Variants in ZNFX1 observed in about 807,000 individuals in gnomAD.
ZNFX1 encodes zinc finger NFX1-type containing 1, also known as NFX1-type zinc finger-containing protein 1.
ZNFX1 carries 78 observed loss-of-function variants against 179.8 expected under a neutral mutation model. The observed-to-expected ratio is 0.43, with a 90% CI of 0.36 to 0.52. The LOEUF (loss-of-function observed/expected upper bound fraction) is 0.52, where lower values mean the gene tolerates loss of function less well. ZNFX1 is among the 20% of genes least tolerant of loss of function. ZNFX1 has a pLI of 0.00. For missense variants in ZNFX1, 1,927 were observed against 2,386.6 expected (o/e 0.81, Z 4.01); for synonymous variants, 848 against 868.5 (o/e 0.98, Z 0.42).
intron 1 of ZNFX1, 60 bp from the exon 2 acceptor site, chr20:49,275,947 C>T: frequency 1.9e-6 from 2 of 1,063,836 alleles, no homozygotes; most frequent in Non-Finnish European, 2.9e-6. Flanking sequence ...AAAACCCAAA[C>T]ACCATCAAGC....
At position 49,270,089 on chromosome 20, in the gene ZNFX1, C is replaced by T. The variant is rs528381337; in HGVS notation, c.1723G>A (p.Glu575Lys). 1.7e-5 allele frequency: 27 copies of T among 1,614,084 alleles called. No homozygotes were observed. Among genetic ancestry groups the T allele is most frequent in the Non-Finnish European group, 2.0e-5 (24 of 1,180,040 alleles). Residue 575 changes from glutamate to lysine, a missense_variant, in exon 3 of 14, where the codon GAG becomes AAG. Physicochemically the swap from Glu to Lys is moderately conservative, Grantham distance 56. Transcript: ENST00000396105. This position sits in a 1 kb window ranked among gnomAD's most constrained non-coding sequence, Gnocchi z 4.6. ...TTAATTCTGGGATGTCTCAAACCCTCGACATTTCTTAGAAATTCCCCAGTG... is the reference window on the plus strand; with the variant it reads ...TTAATTCTGGGATGTCTCAAACCCTTGACATTTCTTAGAAATTCCCCAGTG... ...SATGEFLRNV[E>K]GLRHPRINVL...
chr20:49,264,753 C>T lies in ZNFX1; in HGVS notation c.2114G>A (p.Arg705His), dbSNP rs762397684. Residue 705 changes from arginine (R) to histidine (H), a missense_variant, in exon 5 of 14, where the codon CGC becomes CAC. Coordinates refer to ENST00000396105, the MANE Select transcript of ZNFX1 (RefSeq NM_021035.3). Reference protein sequence around the residue: ...RELRNKREFRRNLPMHLRRAY... With the variant: ...RELRNKREFRHNLPMHLRRAY... ...CCTTCGGAGGTGCATGGGGAGGTTG[C>T]GGCGGAATTCCCGCTTGTTCCTCAG... The T allele has an allele frequency of 1.1e-5, 18 of 1,613,956 alleles. No homozygotes were observed. The highest frequency in any genetic ancestry group is 8.8e-5 in the South Asian group (8 of 91,076).
intron 2 of ZNFX1, 99 bp downstream of exon 2, chr20:49,275,680 T>C (rs746073384): frequency 1.9e-4 from 213 of 1,140,546 alleles, no homozygotes; most frequent in Non-Finnish European, 2.6e-4. Context: ...ACTTGAGAGA[T>C]GCAGACAATC....
At chr20:49,274,798 T>G (rs530278733) in intron 2 of ZNFX1, among the ~76,000 whole-genome samples, 46 of 151,428 alleles carry the variant, frequency 3.0e-4, no homozygotes, top group Non-Finnish European at 5.3e-4. Flanking sequence ...TTCATCTGTT[T>G]CTTCTTACGT....
intron 8 of ZNFX1, 37 bp downstream of exon 8, chr20:49,257,380 C>T: frequency 6.2e-7 from 1 of 1,611,580 alleles, no homozygotes; most frequent in South Asian, 1.1e-5. Flanking sequence ...GGTCAGAACA[C>T]TCTCAGGCCT....
intron 8 of ZNFX1, among the ~76,000 whole-genome samples, chr20:49,256,844 G>A (rs559504390): frequency 1.3e-5 from 2 of 152,160 alleles, no homozygotes; most frequent in Admixed American, 1.3e-4. Context: ...TTCTTATTTT[G>A]AATATCTAAT....
In ZNFX1 at chr20:49,263,413, C is replaced by T. The variant is rs543686183; in HGVS notation, c.2222G>A (p.Arg741His). 29 of 1,613,260 alleles carry T rather than the reference C, an allele frequency of 1.8e-5. No individual in the cohort carries two copies. Among genetic ancestry groups the T allele is most frequent in the Middle Eastern group, 1.7e-4 (1 of 6,050 alleles). ...CAGGTACTGTTCCCGTAGGACACCA[C>T]GCATGGTGCACTCCAGGGTCTTGGC... ...EGAKTLECTMRGVLREQYLQK... is the reference protein window; with the variant it reads ...EGAKTLECTMHGVLREQYLQK... Residue 741 changes from arginine (R) to histidine (H), a missense_variant, in exon 6 of 14, where the codon CGT (arginine) becomes CAT (histidine). Arg to His is a conservative substitution (Grantham distance 29). Transcript: ENST00000396105.
chr20:49,259,169 T>C (rs997893536), intron 7 of ZNFX1, among the ~76,000 whole-genome samples: 1 of 150,082 alleles, frequency 6.7e-6, no homozygotes, highest in African/African-American at 2.4e-5. Context: ...TAAATAAAGG[T>C]TTTACTTATA....
At chr20:49,264,060 A>G (rs951934594) in intron 5 of ZNFX1, among the ~76,000 whole-genome samples, 1 of 152,168 alleles carries the variant, frequency 6.6e-6, no homozygotes, top group South Asian at 2.1e-4. Flanking sequence ...TGTCTCTACT[A>G]AAAATACAAA....
At position 49,252,880 on chromosome 20, in the gene ZNFX1, C is replaced by A. The variant is rs775187271; in HGVS notation, c.3106-50G>T. On this transcript the variant is annotated intron_variant, in intron 11 of 13. Coordinates refer to ENST00000396105, the MANE Select transcript of ZNFX1 (RefSeq NM_021035.3). ...ATTCTCTACTGATAAAGTCATTTAA[C>A]CATCCATACTTCCATCCATCCAACC... The A allele has an allele frequency of 2.1e-5, 29 of 1,414,572 alleles. No homozygotes were observed. The South Asian group carries it at 2.8e-4, about 13-fold the overall frequency. The allele number at this position is 1,414,572 out of a possible 1,614,324, so 87.6% of individuals were successfully genotyped here.
At chr20:49,257,934 G>A (rs942877139) in intron 7 of ZNFX1, among the ~76,000 whole-genome samples, 9 of 151,628 alleles carry the variant, frequency 5.9e-5, no homozygotes, top group African/African-American at 1.9e-4. Flanking sequence ...GGCTGGTCTC[G>A]AACTCCTGAC....
chr20:49,254,029 C>CTTTTTTTTTT (rs11324394), intron 10 of ZNFX1, among the ~76,000 whole-genome samples: 1 of 145,796 alleles, frequency 6.9e-6, no homozygotes. Context: ...TTTCTTTTTT[C>CTTTTTTTTTT]TTTTTTTTTT....
chr20:49,254,291 TG>T, intron 10 of ZNFX1, among the ~76,000 whole-genome samples: 1 of 152,268 alleles, frequency 6.6e-6, no homozygotes, highest in South Asian at 2.1e-4. Flanking sequence ...CCTCCCAAAG[TG>T]TTGGGATTAT....
At position 49,248,543 on chromosome 20, in the gene ZNFX1, C is replaced by G; in HGVS notation, c.4481G>C (p.Cys1494Ser). 1 of 1,614,236 alleles carries G rather than the reference C, an allele frequency of 6.2e-7. No individual in the cohort carries two copies. Among genetic ancestry groups the G allele is most frequent in the Non-Finnish European group, 8.5e-7 (1 of 1,180,050 alleles). The change falls in exon 14 of 14, where the codon TGT (cysteine) becomes TCT (serine). Residue 1494 changes from cysteine (C) to serine (S), a missense_variant. Cys to Ser is a moderately radical substitution (Grantham distance 112, BLOSUM62 -1). Coordinates refer to ENST00000396105, the MANE Select transcript of ZNFX1 (RefSeq NM_021035.3). The surrounding 1 kb of genome is among the most constrained non-coding windows in gnomAD (Gnocchi z 4.6). ...PPCQRTCQNR[C>S]VHSQCKKKCG... ...TTTCTTCTTGCACTGGCTGTGGACA[C>G]AGCGGTTCTGACAGGTCCGCTGGCA...
At chr20:49,256,706 T>C (rs1980978011) in intron 8 of ZNFX1, among the ~76,000 whole-genome samples, 1 of 152,196 alleles carries the variant, frequency 6.6e-6, no homozygotes. Context: ...AGAATTGAGA[T>C]CATGACTCCG....
At chr20:49,252,959 C>A in intron 11 of ZNFX1, 129 bp from the exon 12 acceptor site, 2 of 692,354 alleles carry the variant, frequency 2.9e-6, no homozygotes, top group Non-Finnish European at 5.1e-6. Flanking sequence ...ATTCTACATA[C>A]TCACAGTTTA....
intron 3 of ZNFX1, 70 bp downstream of exon 3, chr20:49,269,872 A>T: frequency 6.7e-7 from 1 of 1,486,898 alleles, no homozygotes; most frequent in Non-Finnish European, 9.0e-7. Context: ...CTAGAAACCT[A>T]GAGTGAAGGC....
At chr20:49,252,601 C>CA (rs1980868074) in intron 12 of ZNFX1, 119 bp downstream of exon 12, 1 of 659,322 alleles carries the variant, frequency 1.5e-6, no homozygotes, top group Non-Finnish European at 2.6e-6. Context: ...GTAAGGTTGA[C>CA]AGAGTCATTT....
chr20:49,270,623 C>A lies in ZNFX1; in HGVS notation c.1189G>T (p.Asp397Tyr). The change falls in exon 3 of 14, where the codon GAC becomes TAC. Residue 397 changes from aspartate (D) to tyrosine (Y), a missense_variant. Coordinates refer to ENST00000396105, the MANE Select transcript of ZNFX1 (RefSeq NM_021035.3). The surrounding 1 kb of genome is among the most constrained non-coding windows in gnomAD (Gnocchi z 4.6). Reference protein sequence around the residue: ...GILELLQSFEDQGLRKRKFDD... With the variant: ...GILELLQSFEYQGLRKRKFDD... ...AACTTTCTCTTCCTCAGGCCCTGGTCTTCAAAGCTTTGGAGAAGTTCCAAA... is the reference window on the plus strand; with the variant it reads ...AACTTTCTCTTCCTCAGGCCCTGGTATTCAAAGCTTTGGAGAAGTTCCAAA... 1 of 1,614,176 alleles carries A rather than the reference C, an allele frequency of 6.2e-7. No individual in the cohort carries two copies. The highest frequency in any genetic ancestry group is 8.5e-7 in the Non-Finnish European group (1 of 1,180,046).
Sources: gnomAD v4.1 joint callset for allele counts (sites outside exome capture counted in the v4.1 genomes callset) on GRCh38, gnomAD v4.1.1 for gene constraint, Gnocchi (gnomAD v3.1) non-coding constraint, MANE v1.5 for transcripts, NCBI Gene and HGNC (gene_info 2026-07-23, HGNC 2026-07-21) for gene names.